SGCZ: variants seen among roughly 807,000 people sequenced by gnomAD.
SGCZ encodes the protein sarcoglycan zeta.
Under a neutral mutation model 41.3 loss-of-function variants are expected in SGCZ, and 40 were observed. The observed-to-expected ratio is 0.97, with a 90% CI of 0.75 to 1.26. The LOEUF is 1.26. SGCZ is among the 50% of genes most tolerant of loss of function. SGCZ has a pLI of 0.00. For synonymous variants in SGCZ, 206 were observed against 137.5 expected (o/e 1.50, Z -3.49); for missense variants, 552 against 369.8 (o/e 1.49, Z -4.04).
intron 2 of SGCZ, among the ~76,000 whole-genome samples, chr8:14,535,745 C>G (rs1002769365): frequency 6.6e-6 from 1 of 151,850 alleles, no homozygotes; most frequent in Admixed American, 6.6e-5. Context: ...ACTAAAATTT[C>G]TAAAGATGTT....
chr8:14,360,808 T>A (rs1354930241), intron 2 of SGCZ, among the ~76,000 whole-genome samples: 2 of 152,164 alleles, frequency 1.3e-5, no homozygotes, highest in Non-Finnish European at 2.9e-5. Flanking sequence ...TACTCTGCCA[T>A]AAATGCCGCA....
At chr8:15,097,633 G>T (rs576726479) in intron 1 of SGCZ, among the ~76,000 whole-genome samples, 1 of 151,216 alleles carries the variant, frequency 6.6e-6, no homozygotes, top group African/African-American at 2.4e-5. Flanking sequence ...TTGACTGCCT[G>T]TAGTACCAGC....
In SGCZ at chr8:15,205,151, G is replaced by A. The variant is rs533828869; in HGVS notation, c.39+32434C>T. ...AAATGTAAAACCCAAAACTATAAAA[G>A]CCCTGGAAAACAACGAAGGCAATAC... is the stretch of plus-strand genomic sequence containing the variant. On this transcript the variant is annotated intron_variant, in intron 1 of 7. Transcript: ENST00000382080. Among the ~76,000 whole-genome samples, 14 of 152,064 alleles carry A rather than the reference G, an allele frequency of 9.2e-5. No homozygotes were observed. The East Asian group carries it at 2.7e-3, about 29-fold the overall frequency.
intron 2 of SGCZ, among the ~76,000 whole-genome samples, chr8:14,387,765 A>T (rs1804627024): frequency 3.3e-5 from 5 of 152,166 alleles, no homozygotes; most frequent in Admixed American, 3.3e-4. Flanking sequence ...GTTATTTACC[A>T]ATTACTCCCA....
chr8:14,710,971 G>A (rs1809496329), intron 1 of SGCZ, among the ~76,000 whole-genome samples: 1 of 152,096 alleles, frequency 6.6e-6, no homozygotes, highest in Non-Finnish European at 1.5e-5. Flanking sequence ...GTAAGAGGAA[G>A]GACAAAGATA....
At chr8:14,137,044 G>C (rs1006926625) in intron 5 of SGCZ, among the ~76,000 whole-genome samples, 9 of 152,164 alleles carry the variant, frequency 5.9e-5, no homozygotes, top group African/African-American at 1.9e-4. Context: ...GACTGGGGTG[G>C]ACCTCCACTA....
chr8:14,121,554 T>C (rs1402856882), intron 5 of SGCZ, among the ~76,000 whole-genome samples: 1 of 152,168 alleles, frequency 6.6e-6, no homozygotes, highest in African/African-American at 2.4e-5. Context: ...GCCGTTATTA[T>C]TGTTGTTAAA....
intron 1 of SGCZ, among the ~76,000 whole-genome samples, chr8:14,704,198 TA>T (rs1809257119): frequency 1.3e-5 from 2 of 151,998 alleles, no homozygotes; most frequent in Admixed American, 6.6e-5. Flanking sequence ...CATAGATGTT[TA>T]AAAAGTGTTA....
intron 1 of SGCZ, among the ~76,000 whole-genome samples, chr8:15,216,035 G>T (rs914407643): frequency 6.6e-6 from 1 of 151,966 alleles, no homozygotes; most frequent in African/African-American, 2.4e-5. Flanking sequence ...GGAGAAAATT[G>T]AGCTAATTCA....
chr8:14,327,937 C>G (rs11985678), intron 2 of SGCZ, among the ~76,000 whole-genome samples: 7,039 of 152,164 alleles, frequency 0.046, 546 homozygotes, highest in African/African-American at 0.16. Context: ...TGCACTGCCA[C>G]GCCCAGATAA....
chr8:14,996,896 A>T (rs1177803008), intron 1 of SGCZ, among the ~76,000 whole-genome samples: 1 of 152,226 alleles, frequency 6.6e-6, no homozygotes, highest in East Asian at 1.9e-4. Context: ...TCTACAATTC[A>T]GTCAGTTATT....
intron 5 of SGCZ, among the ~76,000 whole-genome samples, chr8:14,158,401 G>A (rs905294326): frequency 6.6e-6 from 1 of 152,044 alleles, no homozygotes; most frequent in Non-Finnish European, 1.5e-5. Context: ...GAGCAACCTG[G>A]CAATGTATTC....
In SGCZ at chr8:15,147,364, C is replaced by T. The variant is rs148902114; in HGVS notation, c.39+90221G>A. ...CACCATTTTGGCTCACCACAACCTCCGCCTCCCGGGTTCAAACAATTCTCC... is the reference window on the plus strand; with the variant it reads ...CACCATTTTGGCTCACCACAACCTCTGCCTCCCGGGTTCAAACAATTCTCC... On this transcript the variant is annotated intron_variant, in intron 1 of 7. Coordinates refer to ENST00000382080, the MANE Select transcript of SGCZ (RefSeq NM_139167.4). Among the ~76,000 whole-genome samples the T allele has an allele frequency of 6.7e-3, 1,021 of 152,242 alleles. 7 individuals carry two copies. The highest frequency in any genetic ancestry group is 0.024 in the Middle Eastern group (7 of 294).
intron 2 of SGCZ, among the ~76,000 whole-genome samples, chr8:14,553,298 G>T (rs58744692): frequency 1.3e-5 from 2 of 151,880 alleles, no homozygotes; most frequent in Admixed American, 1.3e-4. Flanking sequence ...CATTCCCAGA[G>T]AATCTCATAA....
intron 2 of SGCZ, among the ~76,000 whole-genome samples, chr8:14,499,108 C>T (rs1802074751): frequency 6.6e-6 from 1 of 151,832 alleles, no homozygotes; most frequent in South Asian, 2.1e-4. Flanking sequence ...TTCATATCTT[C>T]TGTTATTTGC....
At position 14,951,346 on chromosome 8, in the gene SGCZ, CA is replaced by C. The variant is rs1800631731; in HGVS notation, c.39+286238del. Among the ~76,000 whole-genome samples the C allele has an allele frequency of 4.0e-5, 6 of 151,890 alleles. No homozygotes were observed. In the South Asian group the frequency reaches 1.2e-3, roughly 31 times the overall value. On this transcript the variant is annotated intron_variant, in intron 1 of 7. Coordinates refer to ENST00000382080, the MANE Select transcript of SGCZ (RefSeq NM_139167.4). ...CCTATATTTTTCTTGTATGTGAACT[CA>C]AGATTTCTAATAACTGAATTTAAAT...
At chr8:14,102,311 C>A in intron 7 of SGCZ, 65 bp downstream of exon 7, 1 of 1,320,744 alleles carries the variant, frequency 7.6e-7, no homozygotes, top group Non-Finnish European at 9.8e-7. Flanking sequence ...ATAAATAGGA[C>A]ATCTAAATAC....
intron 2 of SGCZ, among the ~76,000 whole-genome samples, chr8:14,354,363 AG>A (rs1484299258): frequency 1.3e-5 from 2 of 151,934 alleles, no homozygotes; most frequent in Non-Finnish European, 2.9e-5. Context: ...AGAAAAGCGT[AG>A]AAAAGAATTT....
At chr8:15,014,481 A>G (rs1802952043) in intron 1 of SGCZ, among the ~76,000 whole-genome samples, 1 of 152,218 alleles carries the variant, frequency 6.6e-6, no homozygotes. Flanking sequence ...ACAAAGAGTT[A>G]CTTTATACCT....
Sources: gnomAD v4.1 joint callset for allele counts (sites outside exome capture counted in the v4.1 genomes callset) on GRCh38, gnomAD v4.1.1 for gene constraint, MANE v1.5 for transcripts, NCBI Gene and HGNC (gene_info 2026-07-23, HGNC 2026-07-21) for gene names.